Variants in PTPRJ observed in about 807,000 individuals in gnomAD.
The protein encoded by PTPRJ is protein tyrosine phosphatase receptor type J, also known as receptor-type tyrosine-protein phosphatase eta.
A neutral mutation model predicts 141.3 loss-of-function variants in PTPRJ; 129 were observed. That is an observed-to-expected ratio of 0.91 (90% CI 0.79 to 1.06). PTPRJ has a LOEUF of 1.06. PTPRJ is among the 50% of genes least tolerant of loss of function. The pLI is 0.00. For synonymous variants in PTPRJ, 610 were observed against 640.5 expected (o/e 0.95, Z 0.72); for missense variants, 1,601 against 1,679.7 (o/e 0.95, Z 0.82).
At chr11:48,016,790 T>C (rs993514219) in intron 1 of PTPRJ, among the ~76,000 whole-genome samples, 2 of 152,182 alleles carry the variant, frequency 1.3e-5, no homozygotes, top group Non-Finnish European at 2.9e-5. Flanking sequence ...GTATTAATAG[T>C]AATAATAGTG....
chr11:47,991,373 CTG>C (rs1338274665), intron 1 of PTPRJ, among the ~76,000 whole-genome samples: 4 of 152,142 alleles, frequency 2.6e-5, no homozygotes, highest in Admixed American at 6.5e-5. Flanking sequence ...TGGCTGCCTC[CTG>C]TCTCTCGGTA....
intron 1 of PTPRJ, among the ~76,000 whole-genome samples, chr11:48,033,452 A>C (rs1357008542): frequency 6.6e-6 from 1 of 152,166 alleles, no homozygotes; most frequent in Non-Finnish European, 1.5e-5. Flanking sequence ...GATCACCGTC[A>C]TGTGAGAGGA....
At chr11:48,048,156 C>T (rs1055852005) in intron 1 of PTPRJ, among the ~76,000 whole-genome samples, 2 of 152,208 alleles carry the variant, frequency 1.3e-5, no homozygotes, top group South Asian at 4.1e-4. Flanking sequence ...CCACCAAATG[C>T]TGCACTGAGA....
At chr11:48,138,285 A>T (rs1171804058) in intron 10 of PTPRJ, among the ~76,000 whole-genome samples, 1 of 152,054 alleles carries the variant, frequency 6.6e-6, no homozygotes, top group Non-Finnish European at 1.5e-5. Flanking sequence ...CCCATCTTTG[A>T]TATTTGGGTG....
intron 1 of PTPRJ, among the ~76,000 whole-genome samples, chr11:48,004,348 A>G (rs1854573105): frequency 6.6e-6 from 1 of 152,098 alleles, no homozygotes; most frequent in Non-Finnish European, 1.5e-5. Context: ...TTTACTTGTA[A>G]ATTGGGTTGA....
chr11:48,141,781 A>G (rs1413260083), intron 11 of PTPRJ, among the ~76,000 whole-genome samples: 1 of 152,172 alleles, frequency 6.6e-6, no homozygotes, highest in African/African-American at 2.4e-5. Flanking sequence ...ATGCAAGGAT[A>G]CTAGCTTCTT....
intron 11 of PTPRJ, among the ~76,000 whole-genome samples, chr11:48,141,739 G>C (rs1002614917): frequency 2.0e-5 from 3 of 152,272 alleles, no homozygotes; most frequent in South Asian, 4.1e-4. Context: ...ATATGGGACT[G>C]GGGGAGAGGA....
chr11:48,035,526 T>C (rs1854098565), intron 1 of PTPRJ, among the ~76,000 whole-genome samples: 1 of 145,662 alleles, frequency 6.9e-6, no homozygotes, highest in Non-Finnish European at 1.5e-5. Context: ...CTTTTCTTTT[T>C]TCTTTCTTCT....
chr11:48,019,935 T>C (rs186781273), intron 1 of PTPRJ, among the ~76,000 whole-genome samples: 1 of 152,192 alleles, frequency 6.6e-6, no homozygotes, highest in East Asian at 1.9e-4. Context: ...ATATTTTCGT[T>C]AAAGGAAAAG....
chr11:48,041,301 G>A lies in PTPRJ; in HGVS notation c.96+60293G>A, dbSNP rs116292309. 7.6e-3 allele frequency among the ~76,000 whole-genome samples: 1,163 copies of A among 152,254 alleles called. 16 individuals carry two copies. The highest frequency in any genetic ancestry group is 0.026 in the African/African-American group (1,083 of 41,538). On this transcript the variant is annotated intron_variant, in intron 1 of 24. Coordinates refer to ENST00000418331, the MANE Select transcript of PTPRJ (RefSeq NM_002843.4). The stretch of plus-strand genomic sequence containing the variant: ...AATGCAGGGAGATGGAAGGCTGAGC[G>A]TTTCTGTTCCTTGACCATTCCCGGG...
rs146166216 is a variant in PTPRJ, at chr11:48,110,061, C to T, written c.100C>T (p.Leu34=). ...CCGTTTTCTTTTTCTGTTTCAGATC[C>T]TGTGCGCAGGTGGCAGTGAGTACCC... ...LLLLLRLGQI[L]CAGGTPSPIP... Residue 34 remains leucine (L), a synonymous_variant, in exon 2 of 25, where the codon CTG becomes TTG. Coordinates refer to ENST00000418331, the MANE Select transcript of PTPRJ (RefSeq NM_002843.4). 1.6e-4 allele frequency: 260 copies of T among 1,614,024 alleles called. No homozygotes were observed. The African/African-American group carries it at 2.9e-3, about 18-fold the overall frequency.
chr11:48,030,693 A>G (rs1430364836), intron 1 of PTPRJ, among the ~76,000 whole-genome samples: 6 of 152,246 alleles, frequency 3.9e-5, no homozygotes, highest in Non-Finnish European at 7.4e-5. Flanking sequence ...CAGTGAGCCG[A>G]GATTGTGCCA....
chr11:47,993,203 C>G (rs916765797), intron 1 of PTPRJ, among the ~76,000 whole-genome samples: 1 of 152,168 alleles, frequency 6.6e-6, no homozygotes, highest in Non-Finnish European at 1.5e-5. Context: ...GGGTGACCAG[C>G]CTAGTGAACA....
chr11:48,139,758 T>A lies in PTPRJ; in HGVS notation c.2425T>A (p.Cys809Ser), dbSNP rs1322657772. The A allele has an allele frequency of 6.2e-7, 1 of 1,613,892 alleles. No individual in the cohort carries two copies. Among genetic ancestry groups the A allele is most frequent in the African/African-American group, 1.3e-5 (1 of 74,918 alleles). ...GKMAAPTRNT[C>S]TTGITDPPPP... The stretch of plus-strand genomic sequence containing the variant: ...GATGGCAGCCCCCACCCGGAACACC[T>A]GCACTACTGGCATCACAGGTGGGCT... The change falls in exon 11 of 25, where the codon TGC becomes AGC. Residue 809 changes from cysteine to serine, a missense_variant. Physicochemically the swap from Cys to Ser is moderately radical, Grantham distance 112 (BLOSUM62 -1). Coordinates refer to ENST00000418331, the MANE Select transcript of PTPRJ (RefSeq NM_002843.4).
rs1857312619 is a variant in PTPRJ, at chr11:48,144,775, G to A, written c.2676G>A (p.Lys892=). The change falls in exon 13 of 25, where the codon AAG becomes AAA. Residue 892 remains lysine, a synonymous_variant. Coordinates refer to ENST00000418331, the MANE Select transcript of PTPRJ (RefSeq NM_002843.4). ...CATACCTCATAAGAACAGAAGAAAA[G>A]GGACGTTCTCAGAGCTTGTCTGAAG... ...YVTYLIRTEE[K]GRSQSLSEVL... is the part of the protein sequence containing the mutation. 2 of 1,614,020 alleles carry A rather than the reference G, an allele frequency of 1.2e-6. No individual in the cohort carries two copies. The highest frequency in any genetic ancestry group is 8.5e-7 in the Non-Finnish European group (1 of 1,180,004).
chr11:48,161,925 T>A (rs1000232262), intron 22 of PTPRJ, among the ~76,000 whole-genome samples: 8 of 152,334 alleles, frequency 5.3e-5, no homozygotes, highest in African/African-American at 7.2e-5. Flanking sequence ...TCATGCTTAT[T>A]TCTATAGATT....
At chr11:47,985,859 C>T (rs192802612) in intron 1 of PTPRJ, among the ~76,000 whole-genome samples, 33 of 152,260 alleles carry the variant, frequency 2.2e-4, no homozygotes, top group Non-Finnish European at 2.1e-4. Flanking sequence ...CGCTACCATG[C>T]GCAGCTAATT....
At chr11:48,159,108 G>T (rs868030570) in intron 21 of PTPRJ, among the ~76,000 whole-genome samples, 1 of 116,850 alleles carries the variant, frequency 8.6e-6, no homozygotes, top group Non-Finnish European at 1.9e-5. Context: ...GTGTGTGTGT[G>T]TGTGTGTATG....
chr11:48,100,569 C>A (rs1359762345), intron 1 of PTPRJ, among the ~76,000 whole-genome samples: 1 of 152,126 alleles, frequency 6.6e-6, no homozygotes, highest in Non-Finnish European at 1.5e-5. Context: ...ACAGAGATAT[C>A]CCAAGCACCC....
Sources: allele counts gnomAD v4.1 joint callset (sites outside exome capture counted in the v4.1 genomes callset), GRCh38; gene constraint gnomAD v4.1.1; transcripts MANE v1.5; gene names NCBI Gene and HGNC (gene_info 2026-07-23, HGNC 2026-07-21).